CRYM: variants seen among roughly 807,000 people sequenced by gnomAD.
The protein encoded by CRYM is crystallin mu.
In CRYM, 18 loss-of-function variants were observed where a neutral mutation model predicts 32.9. The ratio of observed to expected loss-of-function variants is 0.55; its 90% CI spans 0.38 to 0.81. The LOEUF (loss-of-function observed/expected upper bound fraction) is 0.81, where lower values mean the gene tolerates loss of function less well. Ranked by LOEUF, CRYM falls within the 30% of genes least tolerant of loss-of-function variation. The pLI is 0.00. For missense variants in CRYM, 337 were observed against 393.5 expected, an observed-to-expected ratio of 0.86 and a Z score of 1.21; for synonymous variants, 153 against 152.4, an observed-to-expected ratio of 1.00 and a Z score of -0.03.
rs1597621669 is a variant in CRYM at position 21,277,651 on chromosome 16, A to G, written c.171-67T>C. ...TGCTGGGGTCTCTTAGAAAGTATCC[A>G]TATACTTTCCTTTTTCTTTCCTTCC... On this transcript the variant is annotated intron_variant, in intron 1 of 7. Transcript: ENST00000572914. The surrounding 1 kb of genome is among the most constrained non-coding windows in gnomAD (Gnocchi z 4.2). 2 of 1,571,616 alleles carry G rather than the reference A, an allele frequency of 1.3e-6. No individual in the cohort carries two copies. The highest frequency in any genetic ancestry group is 8.7e-7 in the Non-Finnish European group (1 of 1,148,680).
At chr16:21,289,975 T>C (rs2152864752) in intron 1 of CRYM, among the ~76,000 whole-genome samples, 1 of 151,968 alleles carries the variant, frequency 6.6e-6, no homozygotes, top group South Asian at 2.1e-4. Context: ...AGCTAAAGGA[T>C]TGTAAATGGA....
chr16:21,287,047 G>A (rs1025448973), intron 1 of CRYM, among the ~76,000 whole-genome samples: 9 of 150,814 alleles, frequency 6.0e-5, no homozygotes, highest in Admixed American at 2.6e-4. Flanking sequence ...CCAAGATCAC[G>A]CCACTGCACT....
Position 21,278,170 on chromosome 16 carries a change from C to G in CRYM, c.82G>C (p.Glu28Gln). ...CTGGAGAAGTTGGCCAGGGCCGTCT[C>G]TAGAGGCGGGATGAGGAGGCTGGAG... ...RSSSLLIPPL[E>Q]TALANFSSGP... Residue 28 changes from glutamate to glutamine, a missense_variant, in exon 1 of 8, where the codon GAG (glutamate) becomes CAG (glutamine). By Grantham distance (29) the Glu-to-Gln change is conservative. Coordinates refer to ENST00000572914, the MANE Select transcript of CRYM (RefSeq NM_001376256.1). 1 of 1,555,030 alleles carries G rather than the reference C, an allele frequency of 6.4e-7. No homozygotes were observed. The highest frequency in any genetic ancestry group is 8.7e-7 in the Non-Finnish European group (1 of 1,149,646).
chr16:21,297,150 T>A (rs1207280239), intron 1 of CRYM, among the ~76,000 whole-genome samples: 1 of 151,988 alleles, frequency 6.6e-6, no homozygotes, highest in East Asian at 1.9e-4. Flanking sequence ...TCCCAGCACT[T>A]TGGGAGGCCA....
At chr16:21,299,133 T>G (rs1262647704) in intron 1 of CRYM, among the ~76,000 whole-genome samples, 1 of 152,130 alleles carries the variant, frequency 6.6e-6, no homozygotes, top group Non-Finnish European at 1.5e-5. Flanking sequence ...TTATTATGAT[T>G]AATCCTTATT....
Position 21,278,072 on chromosome 16 carries a change from C to T in CRYM, c.170+10G>A, listed in dbSNP as rs111591770. 33 of 1,542,030 alleles carry T rather than the reference C, an allele frequency of 2.1e-5. No homozygotes were observed. The African/African-American group carries it at 2.5e-4, about 12-fold the overall frequency. On this transcript the variant is annotated intron_variant, in intron 1 of 7. Coordinates refer to ENST00000572914, the MANE Select transcript of CRYM (RefSeq NM_001376256.1). ...TTCTCCTGCCCCTGACCCCGACCCT[C>T]CTCACTCACCCCCTGTGCTTGGTCA...
intron 3 of CRYM, among the ~76,000 whole-genome samples, chr16:21,270,269 CTT>C (rs1261925528): frequency 6.6e-6 from 1 of 151,368 alleles, no homozygotes; most frequent in Non-Finnish European, 1.5e-5. Context: ...TTATTTATTT[CTT>C]TTTCTTTCTT....
Position 21,287,960 on chromosome 16 carries a change from T to C in CRYM, c.-192-9000A>G, listed in dbSNP as rs116906444. Among the ~76,000 whole-genome samples the C allele has an allele frequency of 1.8e-3, 272 of 152,370 alleles. 8 individuals are homozygous for C. The East Asian group carries it at 0.047, about 27-fold the overall frequency. On this transcript the variant is annotated intron_variant, in intron 1 of 9. Coordinates refer to the CRYM transcript ENST00000219599. Reference sequence around the variant, plus strand: ...GCAGGTACCCTGTATTCCCTATTTGTGGCTGTGTCTAAAGCGGGTGCAATC... The same window carrying C: ...GCAGGTACCCTGTATTCCCTATTTGCGGCTGTGTCTAAAGCGGGTGCAATC...
chr16:21,277,973 C>A lies in CRYM; in HGVS notation c.170+109G>T. ...GCCTATTAAAAGTGGCAGCTGTTAG[C>A]AACGGTTAGGCAAGCCGTCTCTTCC... On this transcript the variant is annotated intron_variant, in intron 1 of 7. Transcript: ENST00000572914. This position sits in a 1 kb window ranked among gnomAD's most constrained non-coding sequence, Gnocchi z 4.2. The A allele has an allele frequency of 7.7e-7, 1 of 1,306,808 alleles. No individual in the cohort carries two copies. Among genetic ancestry groups the A allele is most frequent in the Non-Finnish European group, 1.0e-6 (1 of 963,908 alleles). 81.0% of individuals were successfully genotyped at this position (1,306,808 alleles called of 1,614,324 possible).
chr16:21,259,774 A>G (rs1182958893), intron 7 of CRYM, among the ~76,000 whole-genome samples: 5 of 152,146 alleles, frequency 3.3e-5, no homozygotes, highest in East Asian at 1.9e-4. Flanking sequence ...TTGTCTTGTA[A>G]TTTTGGTAGA....
At chr16:21,301,396 G>A (rs955001806) in intron 1 of CRYM, 74 of 146,850 alleles carry the variant, frequency 5.0e-4, no homozygotes, top group South Asian at 1.3e-3. Flanking sequence ...GTGGGTGAGC[G>A]CAAGGGACGA....
At chr16:21,289,505 G>A (rs1960561972) in intron 1 of CRYM, among the ~76,000 whole-genome samples, 1 of 152,136 alleles carries the variant, frequency 6.6e-6, no homozygotes, top group Non-Finnish European at 1.5e-5. Flanking sequence ...GTTGGATCAT[G>A]CTTGTTAAAA....
intron 1 of CRYM, among the ~76,000 whole-genome samples, chr16:21,302,463 A>G (rs1215920002): frequency 6.6e-6 from 1 of 152,234 alleles, no homozygotes; most frequent in Non-Finnish European, 1.5e-5. Flanking sequence ...CACCAGAGAA[A>G]GTCACATATG....
Position 21,262,102 on chromosome 16 carries a change from CT to C in CRYM, c.729del (p.Ala244LeufsTer12). On this transcript the variant is annotated frameshift_variant, in exon 6 of 8. Coordinates refer to ENST00000572914, the MANE Select transcript of CRYM (RefSeq NM_001376256.1). LOFTEE classifies it high-confidence loss of function. ...TCCTGGGAATCCACGTACAGCACAG[CT>C]TCTTTCATGAGCTCATCATCCAGTT... ...WRELDDELMK[E>X]AVLYVDSQEA... is the part of the protein sequence containing the mutation. 6.2e-7 allele frequency: 1 copy of C among 1,614,192 alleles called. No homozygotes were observed. The highest frequency in any genetic ancestry group is 8.5e-7 in the Non-Finnish European group (1 of 1,180,024).
chr16:21,294,174 A>G (rs1166795189), intron 1 of CRYM, among the ~76,000 whole-genome samples: 3 of 152,158 alleles, frequency 2.0e-5, no homozygotes, highest in Non-Finnish European at 4.4e-5. Flanking sequence ...AGTCACTTCA[A>G]AACAGTGGAT....
At position 21,258,624 on chromosome 16, in the gene CRYM, C is replaced by T; in HGVS notation, c.*157G>A. 1 of 715,818 alleles carries T rather than the reference C, an allele frequency of 1.4e-6. No individual in the cohort carries two copies. The highest frequency in any genetic ancestry group is 2.5e-6 in the Non-Finnish European group (1 of 402,880). The allele number at this position is 715,818 out of a possible 1,614,324, so 44.3% of individuals were successfully genotyped here. On this transcript the variant is annotated 3_prime_UTR_variant, in exon 8 of 8. Transcript: ENST00000572914. ...ATGGCTACCTAGCTTTGCTTTCCAACTACAAACATAAATGAGGATCTCAGC... is the reference window on the plus strand; with the variant it reads ...ATGGCTACCTAGCTTTGCTTTCCAATTACAAACATAAATGAGGATCTCAGC...
At position 21,277,625 on chromosome 16, in the gene CRYM, A is replaced by G. The variant is rs572907855; in HGVS notation, c.171-41T>C. The G allele has an allele frequency of 2.9e-5, 47 of 1,609,082 alleles. No individual in the cohort carries two copies. Among genetic ancestry groups the G allele is most frequent in the Non-Finnish European group, 3.9e-5 (46 of 1,177,688 alleles). ...GAGCAGCTTCAGCCCCTTCCCATCAATGCTGGGGTCTCTTAGAAAGTATCC... is the reference window on the plus strand; with the variant it reads ...GAGCAGCTTCAGCCCCTTCCCATCAGTGCTGGGGTCTCTTAGAAAGTATCC... On this transcript the variant is annotated intron_variant, in intron 1 of 7. Transcript: ENST00000572914. The surrounding 1 kb of genome is among the most constrained non-coding windows in gnomAD (Gnocchi z 4.2).
At chr16:21,291,840 G>A (rs12446900) in intron 1 of CRYM, among the ~76,000 whole-genome samples, 2,435 of 152,018 alleles carry the variant, frequency 0.016, 87 homozygotes, top group East Asian at 0.078. Context: ...TAAGCCATTT[G>A]CAAATATTTT....
chr16:21,291,803 C>T (rs771828523), intron 1 of CRYM, among the ~76,000 whole-genome samples: 2 of 151,906 alleles, frequency 1.3e-5, no homozygotes, highest in Non-Finnish European at 2.9e-5. Flanking sequence ...ATTCTTTGTA[C>T]GTTCTGAATA....
Sources: allele counts gnomAD v4.1 joint callset (sites outside exome capture counted in the v4.1 genomes callset), GRCh38; gene constraint gnomAD v4.1.1; non-coding constraint Gnocchi (gnomAD v3.1); transcripts MANE v1.5; gene names NCBI Gene and HGNC (gene_info 2026-07-23, HGNC 2026-07-21).